Variants in MAGED1 observed in about 807,000 individuals in gnomAD.
MAGED1 encodes MAGE family member D1.
MAGED1 carries 3 observed loss-of-function variants against 54.1 expected under a neutral mutation model. The observed-to-expected ratio is 0.06, with a 90% confidence interval of 0.03 to 0.14. The LOEUF (loss-of-function observed/expected upper bound fraction) is 0.14, where lower values mean the gene tolerates loss of function less well. Ranked by LOEUF, MAGED1 falls within the 10% of genes least tolerant of loss-of-function variation. The pLI, the probability that MAGED1 is intolerant of heterozygous loss-of-function variation, is 1.00. For synonymous variants in MAGED1, 217 were observed against 227.3 expected, an observed-to-expected ratio of 0.95 and a Z score of 0.41; for missense variants, 485 against 623.4, an observed-to-expected ratio of 0.78 and a Z score of 2.36.
At chrX:51,889,001 G>A (rs1411097036), upstream of MAGED1, among the ~76,000 whole-genome samples, 1 of 111,619 alleles carries the variant, frequency 9.0e-6, no homozygotes, top group African/African-American at 3.3e-5. Context: ...TGACTATAAT[G>A]GGGTAGTAAG....
chrX:51,827,168 T>G (rs1925878376), intron 1 of MAGED1, among the ~76,000 whole-genome samples: 1 of 110,176 alleles, frequency 9.1e-6, no homozygotes, highest in Non-Finnish European at 1.9e-5. Context: ...GAGGCTGAGG[T>G]GGGAGGATGG....
At chrX:51,888,871 A>G (rs1353569125), upstream of MAGED1, among the ~76,000 whole-genome samples, 2 of 112,379 alleles carry the variant, frequency 1.8e-5, no homozygotes, top group African/African-American at 6.5e-5. Flanking sequence ...CAATCTCAAA[A>G]TGTGACATAT....
chrX:51,835,689 G>T (rs970446023), intron 1 of MAGED1, among the ~76,000 whole-genome samples: 1 of 110,985 alleles, frequency 9.0e-6, no homozygotes. Flanking sequence ...TAAAATTATC[G>T]CTAAAATAAT....
intron 1 of MAGED1, among the ~76,000 whole-genome samples, chrX:51,843,731 G>A (rs1317838621): frequency 8.9e-6 from 1 of 111,912 alleles, no homozygotes; most frequent in African/African-American, 3.2e-5. Flanking sequence ...GTACCTGGAA[G>A]TAGAGTGCTG....
At chrX:51,808,448 C>T (rs1431022049) in intron 1 of MAGED1, among the ~76,000 whole-genome samples, 8 of 112,045 alleles carry the variant, frequency 7.1e-5, no homozygotes, top group Non-Finnish European at 1.5e-4. Flanking sequence ...GTGACTCACC[C>T]CTGTAATCCC....
chrX:51,806,771 C>G (rs1483925248), intron 1 of MAGED1, among the ~76,000 whole-genome samples: 1 of 95,737 alleles, frequency 1.0e-5, no homozygotes, highest in East Asian at 3.5e-4. Flanking sequence ...GGTGATTGTA[C>G]GAGAAGACTC....
At position 51,840,655 on chromosome X, in the gene MAGED1, A is replaced by G. The variant is rs1395243915; in HGVS notation, c.-37+37538A>G. Reference sequence around the variant, plus strand: ...TGTGTCCATGTGTTCTCATTGTTCAATTCCCACCTATGAGTGAGAACATGT... The same window carrying G: ...TGTGTCCATGTGTTCTCATTGTTCAGTTCCCACCTATGAGTGAGAACATGT... On this transcript the variant is annotated intron_variant, in intron 1 of 12. Coordinates refer to the MAGED1 transcript ENST00000375772. 5.8e-4 allele frequency among the ~76,000 whole-genome samples: 62 copies of G among 107,715 alleles called. 1 individual carries two copies. The highest frequency in any genetic ancestry group is 4.7e-3 in the Middle Eastern group (1 of 211). 93.5% of individuals were successfully genotyped at this position (107,715 alleles called of 115,157 possible).
chrX:51,836,820 C>T (rs376572457), intron 1 of MAGED1, among the ~76,000 whole-genome samples: 36 of 110,847 alleles, frequency 3.2e-4, no homozygotes, highest in Non-Finnish European at 2.1e-4. Flanking sequence ...GTGATCCGCC[C>T]GCCTCGGCCT....
At chrX:51,897,709 G>A in intron 6 of MAGED1, 83 bp downstream of exon 6, 18 of 1,071,348 alleles carry the variant, frequency 1.7e-5, no homozygotes, top group Non-Finnish European at 2.3e-5. Flanking sequence ...GGGAGTTTAG[G>A]GCAAGTCTCA....
chrX:51,901,626 A>G lies in MAGED1; in HGVS notation c.2033A>G (p.Asp678Gly). 8.3e-7 allele frequency: 1 copy of G among 1,208,728 alleles called. No homozygotes were observed. Among genetic ancestry groups the G allele is most frequent in the South Asian group, 1.8e-5 (1 of 56,071 alleles). Residue 678 changes from aspartate to glycine, a missense_variant, in exon 12 of 13, where the codon GAT becomes GGT. Asp to Gly is a moderately conservative substitution (Grantham distance 94). Transcript: ENST00000326587. ...GCAGATGAGGCCTTGGATGCTCTGGATGCTGCTGCAGCTGAGGCCGAAGCC... is the reference window on the plus strand; with the variant it reads ...GCAGATGAGGCCTTGGATGCTCTGGGTGCTGCTGCAGCTGAGGCCGAAGCC... Reference protein sequence around the residue: ...EAADEALDALDAAAAEAEARA... With the variant: ...EAADEALDALGAAAAEAEARA...
intron 2 of MAGED1, 175 bp downstream of exon 2, chrX:51,894,524 GC>G: frequency 1.2e-6 from 1 of 854,508 alleles, no homozygotes; most frequent in South Asian, 2.2e-5. Flanking sequence ...TCTCTTTTCA[GC>G]CATCAGTCCC....
rs550040322 is a variant in MAGED1 at position 51,859,477 on chromosome X, A to T, written c.-36-34792A>T. Among the ~76,000 whole-genome samples, 59 of 111,774 alleles carry T rather than the reference A, an allele frequency of 5.3e-4. No homozygotes were observed. The South Asian group carries it at 0.022, about 42-fold the overall frequency. On this transcript the variant is annotated intron_variant, in intron 1 of 12. Coordinates refer to the MAGED1 transcript ENST00000375772. The stretch of plus-strand genomic sequence containing the variant: ...TAGAAAATTGTCATAATAAACACAG[A>T]TATCTTTGATGGTCATAATGTGAAT...
chrX:51,868,054 T>C (rs1927519553), intron 1 of MAGED1, among the ~76,000 whole-genome samples: 1 of 112,486 alleles, frequency 8.9e-6, no homozygotes, highest in Non-Finnish European at 1.9e-5. Context: ...CTAAATGCTA[T>C]AACAAAACAT....
At chrX:51,859,366 T>A (rs1194240292) in intron 1 of MAGED1, among the ~76,000 whole-genome samples, 1 of 111,869 alleles carries the variant, frequency 8.9e-6, no homozygotes, top group African/African-American at 3.2e-5. Context: ...TCACTTTAGA[T>A]TATGGGGCTT....
At chrX:51,825,772 G>T (rs782010596) in intron 1 of MAGED1, among the ~76,000 whole-genome samples, 17 of 111,877 alleles carry the variant, frequency 1.5e-4, no homozygotes, top group Non-Finnish European at 3.0e-4. Flanking sequence ...TATACATGCA[G>T]ATGGTCTTCT....
chrX:51,891,362 A>G (rs1329887924), upstream of MAGED1, among the ~76,000 whole-genome samples: 4 of 112,783 alleles, frequency 3.5e-5, no homozygotes, highest in Non-Finnish European at 7.5e-5. Flanking sequence ...AATCTAAGCA[A>G]TTGTCCAAGG....
chrX:51,890,515 A>C (rs1369353127), upstream of MAGED1, among the ~76,000 whole-genome samples: 3 of 111,902 alleles, frequency 2.7e-5, no homozygotes, highest in African/African-American at 9.7e-5. Context: ...AGGGCATGTG[A>C]AGAAGTGAAT....
Position 51,901,812 on chromosome X carries a change from A to C in MAGED1, c.2219A>C (p.Gln740Pro). The C allele has an allele frequency of 8.3e-7, 1 of 1,211,600 alleles. No homozygotes were observed. The highest frequency in any genetic ancestry group is 1.1e-6 in the Non-Finnish European group (1 of 895,522). The change falls in exon 12 of 13, where the codon CAG (glutamine) becomes CCG (proline). Residue 740 changes from glutamine to proline, a missense_variant. Around this residue, in one of 2 missense-constraint regions of MAGED1, gnomAD observed 186 missense variants for 330.3 expected, o/e 0.56. Coordinates refer to ENST00000326587, the MANE Select transcript of MAGED1 (RefSeq NM_006986.4). The stretch of plus-strand genomic sequence containing the variant: ...TTTACCTTCTGGGCCAGATACCACC[A>C]GAATGCCCGCTCCAGATTCCCTCAG... ...IPFTFWARYHQNARSRFPQTF... is the reference protein window; with the variant it reads ...IPFTFWARYHPNARSRFPQTF...
intron 1 of MAGED1, among the ~76,000 whole-genome samples, chrX:51,858,495 A>G (rs1557360395): frequency 8.9e-6 from 1 of 112,175 alleles, no homozygotes; most frequent in African/African-American, 3.2e-5. Flanking sequence ...CCCTTTGAAT[A>G]GGGATTACTT....
Sources: gnomAD v4.1 joint callset for allele counts (sites outside exome capture counted in the v4.1 genomes callset) on GRCh38, gnomAD v4.1.1 for gene constraint, gnomAD v4.1.1 regional missense constraint, MANE v1.5 for transcripts, NCBI Gene and HGNC (gene_info 2026-07-23, HGNC 2026-07-21) for gene names.